The following NXN variants were observed in gnomAD, a reference collection of about 807,000 sequenced individuals.
The protein encoded by NXN is nucleoredoxin, also known as nucleoredoxin 1.
NXN carries 16 observed loss-of-function variants against 48.6 expected under a neutral mutation model. That is an observed-to-expected ratio of 0.33 (90% CI 0.22 to 0.50). NXN has a LOEUF of 0.50. Among genes scored for constraint, NXN ranks in the 20% least tolerant of loss-of-function variants. The probability of loss-of-function intolerance (pLI) is 0.98; values close to 1 mark genes in which losing one functional copy is unlikely to be tolerated. For synonymous variants in NXN, 281 were observed against 269.6 expected (o/e 1.04, Z -0.41); for missense variants, 492 against 605.5 (o/e 0.81, Z 1.97).
intron 1 of NXN, among the ~76,000 whole-genome samples, chr17:945,628 CAA>C (rs58303386): frequency 1.1e-3 from 93 of 86,622 alleles, no homozygotes; most frequent in African/African-American, 1.5e-3. Context: ...GACTCCGTCT[CAA>C]AAAAAAAAAA....
chr17:903,796 G>C (rs917331681), intron 1 of NXN, among the ~76,000 whole-genome samples: 3 of 152,200 alleles, frequency 2.0e-5, no homozygotes, highest in African/African-American at 7.2e-5. Flanking sequence ...CTAAGGAGCT[G>C]CCGGAAGTCA....
At chr17:887,177 A>G (rs919134569) in intron 1 of NXN, among the ~76,000 whole-genome samples, 1 of 151,904 alleles carries the variant, frequency 6.6e-6, no homozygotes. Context: ...TCAACCTTCC[A>G]AAGTGCTGGG....
intron 1 of NXN, among the ~76,000 whole-genome samples, chr17:955,896 C>T (rs902468436): frequency 1.4e-5 from 2 of 147,344 alleles, no homozygotes; most frequent in African/African-American, 2.5e-5. Flanking sequence ...AGCGAGACTC[C>T]ATCTCAAAAA....
chr17:823,031 C>G (rs1411043051), intron 3 of NXN, among the ~76,000 whole-genome samples: 1 of 151,450 alleles, frequency 6.6e-6, no homozygotes, highest in Non-Finnish European at 1.5e-5. Flanking sequence ...ACCCGGGAGA[C>G]AGAGGGTGCG....
chr17:908,278 C>G (rs557296596), intron 1 of NXN, among the ~76,000 whole-genome samples: 13 of 152,224 alleles, frequency 8.5e-5, no homozygotes, highest in African/African-American at 3.1e-4. Flanking sequence ...TCGTTCACGC[C>G]TGTATTCCCA....
intron 1 of NXN, among the ~76,000 whole-genome samples, chr17:973,658 C>T (rs933676418): frequency 6.6e-6 from 1 of 152,002 alleles, no homozygotes; most frequent in Non-Finnish European, 1.5e-5. Flanking sequence ...CAGTTATAAT[C>T]TCTTATGGGG....
rs1261961586 is a variant in NXN at position 917,842 on chromosome 17, G to C, written c.360+61477C>G. Among the ~76,000 whole-genome samples, 1 of 151,072 alleles carries C rather than the reference G, an allele frequency of 6.6e-6. No homozygotes were observed. The highest frequency in any genetic ancestry group is 6.6e-5 in the Admixed American group (1 of 15,168). ...GGGAAAGGGGATAAGCGACAGGAGA[G>C]GGGGGACTCCCGTTCCAAACAAAGG... On this transcript the variant is annotated intron_variant, in intron 1 of 7. Coordinates refer to ENST00000336868, the MANE Select transcript of NXN (RefSeq NM_022463.5). This position sits in a 1 kb window ranked among gnomAD's most constrained non-coding sequence, Gnocchi z 4.5.
intron 1 of NXN, among the ~76,000 whole-genome samples, chr17:918,140 G>T (rs1048649349): frequency 6.6e-6 from 1 of 152,098 alleles, no homozygotes; most frequent in African/African-American, 2.4e-5. Flanking sequence ...AGAAACACGA[G>T]AACACTCAAT....
At chr17:854,553 G>T (rs1425714956) in intron 1 of NXN, among the ~76,000 whole-genome samples, 1 of 151,640 alleles carries the variant, frequency 6.6e-6, no homozygotes, top group Admixed American at 6.6e-5. Context: ...TACTTGGGAG[G>T]CTGAGGCAGG....
chr17:968,806 G>A (rs2069337445), intron 1 of NXN, among the ~76,000 whole-genome samples: 1 of 151,792 alleles, frequency 6.6e-6, no homozygotes. Flanking sequence ...GCGTGGTGGC[G>A]GGCACCTGTA....
chr17:903,999 T>A (rs2068560205), intron 1 of NXN, among the ~76,000 whole-genome samples: 1 of 152,232 alleles, frequency 6.6e-6, no homozygotes, highest in African/African-American at 2.4e-5. Flanking sequence ...GCTGCATTTG[T>A]AGACGCAGAA....
chr17:880,757 A>C (rs1165115627), intron 1 of NXN, among the ~76,000 whole-genome samples: 1 of 152,156 alleles, frequency 6.6e-6, no homozygotes, highest in Non-Finnish European at 1.5e-5. Context: ...GAGATCTGTC[A>C]AATTCCTTAT....
rs554936930 is a variant in NXN at position 852,187 on chromosome 17, C to A, written c.361-26109G>T. On this transcript the variant is annotated intron_variant, in intron 1 of 7. Transcript: ENST00000336868. ...GCTCTTGGCCAAACAGCAATCCCTG[C>A]TGGCTTAGTCCCAGCTCTTCTGCCA... Among the ~76,000 whole-genome samples the A allele has an allele frequency of 5.3e-5, 8 of 152,364 alleles. No homozygotes were observed. The East Asian group carries it at 1.5e-3, about 29-fold the overall frequency.
intron 1 of NXN, among the ~76,000 whole-genome samples, chr17:892,057 C>T (rs566285915): frequency 4.9e-4 from 73 of 150,094 alleles, no homozygotes; most frequent in African/African-American, 1.6e-3. Context: ...GGAACCTAAA[C>T]TAACCCCACC....
chr17:819,207 A>G, intron 5 of NXN: 1 of 515,936 alleles, frequency 1.9e-6, no homozygotes, highest in South Asian at 2.0e-5. Context: ...TCAGCCTCCC[A>G]AAGTGCTGGG....
intron 1 of NXN, among the ~76,000 whole-genome samples, chr17:942,084 AC>A (rs1248863555): frequency 1.3e-5 from 1 of 75,060 alleles, no homozygotes; most frequent in Non-Finnish European, 2.7e-5. Context: ...TTCACCAAAC[AC>A]CTTCCTGGAT....
At chr17:909,448 GA>G (rs1458450446) in intron 1 of NXN, among the ~76,000 whole-genome samples, 3 of 151,650 alleles carry the variant, frequency 2.0e-5, no homozygotes, top group Non-Finnish European at 2.9e-5. Context: ...TCAAGCCACC[GA>G]AAACCTGTTC....
In NXN at chr17:919,347, G is replaced by A. The variant is rs559234723; in HGVS notation, c.360+59972C>T. On this transcript the variant is annotated intron_variant, in intron 1 of 7. Coordinates refer to ENST00000336868, the MANE Select transcript of NXN (RefSeq NM_022463.5). The surrounding 1 kb of genome is among the most constrained non-coding windows in gnomAD (Gnocchi z 5.1). The stretch of plus-strand genomic sequence containing the variant: ...CACTGTACTCCAGCCTGGTGACAGA[G>A]TGAGACTCTGTCTCAAAACAAAACA... 1.4e-4 allele frequency among the ~76,000 whole-genome samples: 21 copies of A among 151,106 alleles called. No homozygotes were observed. The East Asian group carries it at 3.0e-3, about 22-fold the overall frequency.
rs1911189947 is a variant in NXN at position 801,271 on chromosome 17, G to C, written c.1126-140C>G. On this transcript the variant is annotated intron_variant, in intron 7 of 7. Coordinates refer to ENST00000336868, the MANE Select transcript of NXN (RefSeq NM_022463.5). ...TTCCCAAGCAGAGGGCTCCCAGCCT[G>C]GGAAGGAGGGAACCCTGCCCTGCCT... The C allele has an allele frequency of 5.6e-6, 3 of 536,704 alleles. No individual in the cohort carries two copies. The East Asian group carries it at 1.0e-4, about 19-fold the overall frequency. 33.2% of individuals were successfully genotyped at this position (536,704 alleles called of 1,614,324 possible).
Sources: allele counts gnomAD v4.1 joint callset (sites outside exome capture counted in the v4.1 genomes callset), GRCh38; gene constraint gnomAD v4.1.1; non-coding constraint Gnocchi (gnomAD v3.1); transcripts MANE v1.5; gene names NCBI Gene and HGNC (gene_info 2026-07-23, HGNC 2026-07-21).